Variants in MALRD1 observed in about 807,000 individuals in gnomAD.
MALRD1 encodes MAM and LDL-receptor class A domain-containing protein 1.
MALRD1 carries 247 observed loss-of-function variants against 242.1 expected under a neutral mutation model. The ratio of observed to expected loss-of-function variants is 1.02; its 90% CI spans 0.92 to 1.13. The LOEUF (loss-of-function observed/expected upper bound fraction) is 1.13. Ranked by LOEUF, MALRD1 falls within the 50% of genes most tolerant of loss-of-function variation. The pLI is 0.00. For missense variants in MALRD1, 2,989 were observed against 2,533.1 expected (o/e 1.18, Z -3.86); for synonymous variants, 995 against 866.6 (o/e 1.15, Z -2.60).
At chr10:19,623,095 G>C (rs1839476500) in intron 36 of MALRD1, among the ~76,000 whole-genome samples, 1 of 151,880 alleles carries the variant, frequency 6.6e-6, no homozygotes, top group Non-Finnish European at 1.5e-5. Context: ...GTAGGAAAAA[G>C]CTTTTTTTCA....
chr10:19,615,976 T>C (rs1839139256), intron 36 of MALRD1, 53 bp downstream of exon 36: 1 of 1,329,072 alleles, frequency 7.5e-7, no homozygotes, highest in African/African-American at 1.5e-5. Context: ...GTTGGCTTAC[T>C]TATTTTTCTA....
At chr10:19,368,823 T>C (rs1845224794) in intron 26 of MALRD1, among the ~76,000 whole-genome samples, 1 of 151,476 alleles carries the variant, frequency 6.6e-6, no homozygotes, top group South Asian at 2.1e-4. Context: ...AGACTTCAAT[T>C]CGCTTTTTCC....
chr10:19,218,925 A>G (rs1390133094), intron 18 of MALRD1, among the ~76,000 whole-genome samples: 1 of 152,134 alleles, frequency 6.6e-6, no homozygotes, highest in African/African-American at 2.4e-5. Flanking sequence ...AATAATTCCA[A>G]TGATTCTCTG....
intron 34 of MALRD1, among the ~76,000 whole-genome samples, chr10:19,599,817 G>A (rs1275946617): frequency 1.3e-5 from 2 of 152,086 alleles, no homozygotes; most frequent in African/African-American, 4.8e-5. Flanking sequence ...ATTTAGTTAA[G>A]GCAAGCGGTT....
chr10:19,315,597 A>T (rs1392188619), intron 21 of MALRD1, among the ~76,000 whole-genome samples: 2 of 79,062 alleles, frequency 2.5e-5, no homozygotes, highest in Non-Finnish European at 4.8e-5. Flanking sequence ...ATAAATATTT[A>T]TATAAATTAT....
intron 14 of MALRD1, among the ~76,000 whole-genome samples, chr10:19,193,977 G>A (rs1836116338): frequency 6.6e-6 from 1 of 151,888 alleles, no homozygotes; most frequent in South Asian, 2.1e-4. Context: ...AAATAGTAGG[G>A]TCTTTTACGA....
chr10:19,614,486 T>C, intron 35 of MALRD1, among the ~76,000 whole-genome samples: 1 of 151,990 alleles, frequency 6.6e-6, no homozygotes, highest in East Asian at 1.9e-4. Flanking sequence ...TTATACCCCA[T>C]AAATATGTAC....
intron 36 of MALRD1, among the ~76,000 whole-genome samples, chr10:19,634,708 C>T (rs1407186505): frequency 6.6e-6 from 1 of 152,072 alleles, no homozygotes; most frequent in African/African-American, 2.4e-5. Flanking sequence ...GTGAACTAGA[C>T]CAGGGACCTC....
intron 20 of MALRD1, among the ~76,000 whole-genome samples, chr10:19,282,208 C>G (rs1339189015): frequency 6.6e-6 from 1 of 152,036 alleles, no homozygotes; most frequent in Non-Finnish European, 1.5e-5. Context: ...ACAAGATAAA[C>G]AATTAATGTT....
At chr10:19,677,026 A>G (rs1194161014) in intron 36 of MALRD1, among the ~76,000 whole-genome samples, 1 of 152,186 alleles carries the variant, frequency 6.6e-6, no homozygotes, top group East Asian at 1.9e-4. Flanking sequence ...ATAGTATCCC[A>G]TGGTGTATAT....
intron 19 of MALRD1, among the ~76,000 whole-genome samples, chr10:19,269,348 C>T (rs1297811504): frequency 6.6e-6 from 1 of 152,234 alleles, no homozygotes; most frequent in Non-Finnish European, 1.5e-5. Flanking sequence ...CTCACGCGCT[C>T]TCTCGCTCTC....
At chr10:19,108,047 G>C (rs934877460) in intron 5 of MALRD1, among the ~76,000 whole-genome samples, 1 of 151,912 alleles carries the variant, frequency 6.6e-6, no homozygotes, top group Non-Finnish European at 1.5e-5. Context: ...CCAAGGCTTG[G>C]GAGGTTTTTA....
intron 18 of MALRD1, among the ~76,000 whole-genome samples, chr10:19,257,104 G>A (rs1839547947): frequency 1.3e-5 from 2 of 152,164 alleles, no homozygotes; most frequent in Admixed American, 6.6e-5. Context: ...CGCTCCTGCA[G>A]CAGCACAAAT....
chr10:19,474,411 A>T (rs1189910941), intron 29 of MALRD1, among the ~76,000 whole-genome samples: 1 of 152,164 alleles, frequency 6.6e-6, no homozygotes, highest in Non-Finnish European at 1.5e-5. Context: ...TCTCTTTATC[A>T]AATAGTCAAG....
intron 18 of MALRD1, among the ~76,000 whole-genome samples, chr10:19,235,613 A>ACT (rs1554816954): frequency 0.046 from 6,662 of 143,832 alleles, 195 homozygotes; most frequent in Middle Eastern, 0.083. Context: ...AGAGAGAGAG[A>ACT]GCGCCTAGGT....
At chr10:19,440,660 A>G (rs1834591519) in intron 28 of MALRD1, among the ~76,000 whole-genome samples, 2 of 152,172 alleles carry the variant, frequency 1.3e-5, no homozygotes, top group Non-Finnish European at 2.9e-5. Context: ...ATGTCCCTAC[A>G]AAGGACATGG....
At chr10:19,185,156 T>C (rs1256293641) in intron 14 of MALRD1, among the ~76,000 whole-genome samples, 1 of 152,226 alleles carries the variant, frequency 6.6e-6, no homozygotes, top group Non-Finnish European at 1.5e-5. Flanking sequence ...GTATAAATGG[T>C]ACATTTTCTC....
chr10:19,139,887 T>C (rs750021019), intron 10 of MALRD1, among the ~76,000 whole-genome samples: 1 of 151,996 alleles, frequency 6.6e-6, no homozygotes, highest in African/African-American at 2.4e-5. Context: ...AGAACCACTG[T>C]ACCAAAGAGG....
chr10:19,640,570 G>A (rs933385859), intron 36 of MALRD1, among the ~76,000 whole-genome samples: 5 of 152,036 alleles, frequency 3.3e-5, no homozygotes, highest in African/African-American at 4.8e-5. Flanking sequence ...ATTTATTCGT[G>A]TTCCTTTCTA....
Sources: gnomAD v4.1 joint callset for allele counts (sites outside exome capture counted in the v4.1 genomes callset) on GRCh38, gnomAD v4.1.1 for gene constraint, MANE v1.5 for transcripts, NCBI Gene and HGNC (gene_info 2026-07-23, HGNC 2026-07-21) for gene names.